Variants in MXD1 observed in about 807,000 individuals in gnomAD.
MXD1 encodes the protein MAX-binding protein.
A neutral mutation model predicts 25.7 loss-of-function variants in MXD1; 9 were observed. That is an observed-to-expected ratio of 0.35 (90% CI 0.21 to 0.61). The LOEUF (loss-of-function observed/expected upper bound fraction) is 0.61, where lower values mean the gene tolerates loss of function less well. MXD1 is among the 20% of genes least tolerant of loss of function. The probability of loss-of-function intolerance (pLI) is 0.75; values close to 1 mark genes in which losing one functional copy is unlikely to be tolerated. For synonymous variants in MXD1, 99 were observed against 113.9 expected (o/e 0.87, Z 0.83); for missense variants, 227 against 292.4 (o/e 0.78, Z 1.63).
chr2:69,938,095 A>T lies in MXD1; in HGVS notation c.479-2A>T. On this transcript the variant is annotated splice_acceptor_variant, in intron 5 of 5. Transcript: ENST00000264444. LOFTEE classifies it high-confidence loss of function. ...TGTCCTTCTCTCTTGTCCTCCCTGC[A>T]GAAGAAATCGACGTTGACGTGGAGA... 1 of 1,613,712 alleles carries T rather than the reference A, an allele frequency of 6.2e-7. No individual in the cohort carries two copies. The highest frequency in any genetic ancestry group is 1.1e-5 in the South Asian group (1 of 91,060).
At position 69,939,033 on chromosome 2, in the gene MXD1, A is replaced by T. The variant is rs747456477; in HGVS notation, c.*749A>T. ...GCTGTGTTCTGCTATCTCGAGGCACATTCTCCCCTCCAACTTTGTTAATGC... is the reference window on the plus strand; with the variant it reads ...GCTGTGTTCTGCTATCTCGAGGCACTTTCTCCCCTCCAACTTTGTTAATGC... On this transcript the variant is annotated 3_prime_UTR_variant, in exon 6 of 6. Coordinates refer to ENST00000264444, the MANE Select transcript of MXD1 (RefSeq NM_002357.4). 6.6e-6 allele frequency: 1 copy of T among 152,254 alleles called. No homozygotes were observed. Among genetic ancestry groups the T allele is most frequent in the Admixed American group, 6.6e-5 (1 of 15,234 alleles). 9.4% of individuals were successfully genotyped at this position (152,254 alleles called of 1,614,324 possible).
chr2:69,936,754 A>G lies in MXD1; in HGVS notation c.319-481A>G, dbSNP rs372477979. Among the ~76,000 whole-genome samples the G allele has an allele frequency of 3.5e-4, 54 of 152,366 alleles. 1 individual carries two copies. Among genetic ancestry groups the G allele is most frequent in the African/African-American group, 1.3e-3 (53 of 41,596 alleles). ...GGACTATTATTTCCTGCTAACAAAC[A>G]GAAGTTAATTGAGATTTGGCATGAC... On this transcript the variant is annotated intron_variant, in intron 4 of 5. Transcript: ENST00000264444.
intron 3 of MXD1, among the ~76,000 whole-genome samples, chr2:69,924,983 G>A (rs1422524556): frequency 6.6e-6 from 1 of 152,166 alleles, no homozygotes; most frequent in Non-Finnish European, 1.5e-5. Context: ...CTTCGCATTG[G>A]TGGGACAATA....
intron 2 of MXD1, among the ~76,000 whole-genome samples, 156 bp from the exon 3 acceptor site, chr2:69,921,580 G>C (rs905927396): frequency 1.3e-5 from 2 of 152,154 alleles, no homozygotes; most frequent in Non-Finnish European, 2.9e-5. Context: ...TCTTCAAATG[G>C]ACTAATTTTT....
In MXD1 at chr2:69,937,173, G is replaced by A. The variant is rs1383389281; in HGVS notation, c.319-62G>A. 2.5e-6 allele frequency: 4 copies of A among 1,594,432 alleles called. No individual in the cohort carries two copies. In the South Asian group the frequency reaches 3.3e-5, roughly 13 times the overall value. ...TTCCACTGCTAGAAGGGAAGATGCGGGGGCCATTGCCCATTTAGAGATCTC... is the reference window on the plus strand; with the variant it reads ...TTCCACTGCTAGAAGGGAAGATGCGAGGGCCATTGCCCATTTAGAGATCTC... On this transcript the variant is annotated intron_variant, in intron 4 of 5. Coordinates refer to ENST00000264444, the MANE Select transcript of MXD1 (RefSeq NM_002357.4).
At chr2:69,922,757 G>T (rs543639384) in intron 3 of MXD1, among the ~76,000 whole-genome samples, 222 of 152,024 alleles carry the variant, frequency 1.5e-3, no homozygotes, top group African/African-American at 5.1e-3. Flanking sequence ...GCACGTGCCT[G>T]TAATCCCAGC....
chr2:69,933,320 G>A (rs1677344799), intron 3 of MXD1, among the ~76,000 whole-genome samples: 1 of 150,818 alleles, frequency 6.6e-6, no homozygotes, highest in Non-Finnish European at 1.5e-5. Context: ...CTAATAACAT[G>A]ATCTATTTTC....
intron 2 of MXD1, chr2:69,916,456 T>C (rs1676963845): frequency 3.1e-6 from 1 of 324,850 alleles, no homozygotes; most frequent in Admixed American, 5.0e-5. Flanking sequence ...ATTCAAAATT[T>C]AATTTCACTT....
chr2:69,937,137 A>C, intron 4 of MXD1, 98 bp from the exon 5 acceptor site: 2 of 1,471,550 alleles, frequency 1.4e-6, no homozygotes, highest in Non-Finnish European at 1.9e-6. Context: ...CGTCTGAGGA[A>C]GTGTGGCGCA....
chr2:69,933,900 C>T (rs6729760), intron 3 of MXD1, among the ~76,000 whole-genome samples: 87,222 of 152,122 alleles, frequency 0.57, 27,476 homozygotes, highest in African/African-American at 0.83. Flanking sequence ...CCTCCTAGAC[C>T]CCAGGGAACT....
chr2:69,926,429 T>C (rs1573404196), intron 3 of MXD1, among the ~76,000 whole-genome samples: 2 of 152,180 alleles, frequency 1.3e-5, no homozygotes, highest in Admixed American at 6.5e-5. Flanking sequence ...CCTAAATTCT[T>C]TGGGGAGTTT....
chr2:69,929,906 T>C (rs534151301), intron 3 of MXD1, among the ~76,000 whole-genome samples: 1 of 152,346 alleles, frequency 6.6e-6, no homozygotes, highest in East Asian at 1.9e-4. Context: ...TTTTTAATTA[T>C]TGAAGCTTTA....
At chr2:69,922,210 TG>T (rs1300729959) in intron 3 of MXD1, among the ~76,000 whole-genome samples, 2 of 152,206 alleles carry the variant, frequency 1.3e-5, no homozygotes, top group Non-Finnish European at 2.9e-5. Context: ...AGTTTACTTG[TG>T]AATGAAGAGT....
At chr2:69,934,800 A>G (rs1328936414) in intron 3 of MXD1, among the ~76,000 whole-genome samples, 1 of 152,236 alleles carries the variant, frequency 6.6e-6, no homozygotes, top group Non-Finnish European at 1.5e-5. Flanking sequence ...ATAGTACTAC[A>G]CGGTGTGGAT....
At chr2:69,916,619 T>C (rs1048242126) in intron 2 of MXD1, among the ~76,000 whole-genome samples, 3 of 152,172 alleles carry the variant, frequency 2.0e-5, no homozygotes, top group Admixed American at 6.5e-5. Flanking sequence ...TTCATAGTAA[T>C]GATTTTATAA....
At chr2:69,931,625 T>C (rs142052719) in intron 3 of MXD1, among the ~76,000 whole-genome samples, 15 of 152,314 alleles carry the variant, frequency 9.8e-5, no homozygotes, top group African/African-American at 3.6e-4. Flanking sequence ...TCAGAATTTT[T>C]TAAAAAAATT....
Position 69,923,040 on chromosome 2 carries a change from C to CA in MXD1, c.203+1290dup, listed in dbSNP as rs149259918. 4.8e-3 allele frequency among the ~76,000 whole-genome samples: 621 copies of CA among 129,930 alleles called. 7 individuals are homozygous for CA. The highest frequency in any genetic ancestry group is 8.5e-3 in the Middle Eastern group (2 of 234). 85.2% of individuals were successfully genotyped at this position (129,930 alleles called of 152,430 possible). A position where few individuals can be genotyped will look rare whatever the true frequency, so the allele number is the denominator to read the frequency against. On this transcript the variant is annotated intron_variant, in intron 3 of 5. Coordinates refer to ENST00000264444, the MANE Select transcript of MXD1 (RefSeq NM_002357.4). The stretch of plus-strand genomic sequence containing the variant: ...ATTTTCTTGTATCTCTAGTAAACAC[C>CA]AAAAAAAAAAAAAAACACACAAAAC...
chr2:69,915,308 G>A lies in MXD1; in HGVS notation c.-23G>A. ...CCCGTGGGCAGTGGGGGTTGGTCCC[G>A]TGGCTCCGGCCCCCGGTGCAGAATG... is the stretch of plus-strand genomic sequence containing the variant. On this transcript the variant is annotated 5_prime_UTR_variant, in exon 1 of 6. It adds an upstream start codon to the 5' untranslated region. Coordinates refer to ENST00000264444, the MANE Select transcript of MXD1 (RefSeq NM_002357.4). The surrounding 1 kb of genome is among the most constrained non-coding windows in gnomAD (Gnocchi z 5.8). The A allele has an allele frequency of 7.6e-7, 1 of 1,308,498 alleles. No individual in the cohort carries two copies. Among genetic ancestry groups the A allele is most frequent in the South Asian group, 2.3e-5 (1 of 43,796 alleles). The allele number at this position is 1,308,498 out of a possible 1,614,324, so 81.1% of individuals were successfully genotyped here.
chr2:69,915,254 C>A lies in MXD1; in HGVS notation c.-77C>A, dbSNP rs1050568137. ...GCTCCACAGCGGGCTCCATAGCGGG[C>A]TCCACAGCGGTCCGGCGGCGGCAGC... On this transcript the variant is annotated 5_prime_UTR_variant, in exon 1 of 6. Transcript: ENST00000264444. This position sits in a 1 kb window ranked among gnomAD's most constrained non-coding sequence, Gnocchi z 5.8. 30 of 1,243,684 alleles carry A rather than the reference C, an allele frequency of 2.4e-5. No individual in the cohort carries two copies. The highest frequency in any genetic ancestry group is 2.8e-5 in the Non-Finnish European group (27 of 970,572). The allele number at this position is 1,243,684 out of a possible 1,614,324, so 77.0% of individuals were successfully genotyped here. A position where few individuals can be genotyped will look rare whatever the true frequency, so the allele number is the denominator to read the frequency against.
Sources: gnomAD v4.1 joint callset for allele counts (sites outside exome capture counted in the v4.1 genomes callset) on GRCh38, gnomAD v4.1.1 for gene constraint, Gnocchi (gnomAD v3.1) non-coding constraint, MANE v1.5 for transcripts, NCBI Gene and HGNC (gene_info 2026-07-23, HGNC 2026-07-21) for gene names.